The following GPR101 variants were observed in gnomAD, a reference collection of about 807,000 sequenced individuals.
The protein encoded by GPR101 is G protein-coupled receptor 101.
GPR101 carries 8 observed loss-of-function variants against 16.4 expected under a neutral mutation model. The ratio of observed to expected loss-of-function variants is 0.49; its 90% CI spans 0.29 to 0.88. The LOEUF (loss-of-function observed/expected upper bound fraction) is 0.88, where lower values mean the gene tolerates loss of function less well. Among genes scored for constraint, GPR101 ranks in the 40% least tolerant of loss-of-function variants. The pLI is 0.09. For missense variants in GPR101, 375 were observed against 411.7 expected, an observed-to-expected ratio of 0.91 and a Z score of 0.77; for synonymous variants, 155 against 168.7, an observed-to-expected ratio of 0.92 and a Z score of 0.63.
chrX:137,030,475 C>T lies in GPR101; in HGVS notation c.1200G>A (p.Val400=). ...CATAGGAGAAAATGATGATGAAGAT[C>T]ACTTTAGCAGCTTTGCACTGGTAGC... ...PRCYQCKAAK[V]IFIIIFSYVL... The change falls in exon 2 of 2, where the codon GTG becomes GTA. Residue 400 remains valine (V), a synonymous_variant. Coordinates refer to ENST00000651716, the MANE Select transcript of GPR101 (RefSeq NM_054021.2). The T allele has an allele frequency of 8.3e-7, 1 of 1,211,226 alleles. No individual in the cohort carries two copies. Among genetic ancestry groups the T allele is most frequent in the Non-Finnish European group, 1.1e-6 (1 of 895,308 alleles).
rs1407642117 is a variant in GPR101 at position 137,030,502 on chromosome X, C to T, written c.1173G>A (p.Arg391=). 4 of 1,208,578 alleles carry T rather than the reference C, an allele frequency of 3.3e-6. No homozygotes were observed. The African/African-American group carries it at 7.0e-5, about 21-fold the overall frequency. ...CTTTAGCAGCTTTGCACTGGTAGCA[C>T]CTGGGCAGAGGAGGGTTGCTGTTGC... ...RNSNSNPPLP[R]CYQCKAAKVI... is the part of the protein sequence containing the mutation. Residue 391 remains arginine, a synonymous_variant, in exon 2 of 2, where the codon AGG becomes AGA. Transcript: ENST00000651716.
rs773412114 is a variant in GPR101, at chrX:137,031,217, T to C, written c.458A>G (p.Tyr153Cys). 9 of 1,209,797 alleles carry C rather than the reference T, an allele frequency of 7.4e-6. No individual in the cohort carries two copies. The highest frequency in any genetic ancestry group is 6.5e-5 in the Admixed American group (3 of 45,888). The change falls in exon 2 of 2, where the codon TAT becomes TGT. Residue 153 changes from tyrosine to cysteine, a missense_variant. By Grantham distance (194) the Tyr-to-Cys change is radical. Transcript: ENST00000651716. ...CAGGATGGCCACAATCCAGGTGCCATAGAGGAGCAGGTAACCGCGGCGCTG... is the reference window on the plus strand; with the variant it reads ...CAGGATGGCCACAATCCAGGTGCCACAGAGGAGCAGGTAACCGCGGCGCTG... Reference protein sequence around the residue: ...MTQRRGYLLLYGTWIVAILQS... With the variant: ...MTQRRGYLLLCGTWIVAILQS...
rs1877267617 is a variant in GPR101, at chrX:137,030,308, T to C, written c.1367A>G (p.Tyr456Cys). Residue 456 changes from tyrosine (Y) to cysteine (C), a missense_variant, in exon 2 of 2, where the codon TAC becomes TGC. By Grantham distance (194) the Tyr-to-Cys change is radical. Coordinates refer to ENST00000651716, the MANE Select transcript of GPR101 (RefSeq NM_054021.2). ...TTCCTTCTTAATGGTCTTGTGCATG[T>C]AGCCATAGACATAGGGGTGGATGCA... is the stretch of plus-strand genomic sequence containing the variant. ...QCCIHPYVYG[Y>C]MHKTIKKEIQ... is the part of the protein sequence containing the mutation. 8.3e-7 allele frequency: 1 copy of C among 1,211,271 alleles called. No homozygotes were observed. Among genetic ancestry groups the C allele is most frequent in the Admixed American group, 2.2e-5 (1 of 46,018 alleles).
intron 1 of GPR101, among the ~76,000 whole-genome samples, 182 bp from the exon 2 acceptor site, chrX:137,031,948 G>A (rs1455265563): frequency 9.0e-6 from 1 of 111,234 alleles, no homozygotes; most frequent in African/African-American, 3.3e-5. Flanking sequence ...CTCTCTCCAG[G>A]GCTCTGATTT....
Position 137,023,948 on chromosome X carries a change from T to G in GPR101, c.*6200A>C, listed in dbSNP as rs1927131584. Among the ~76,000 whole-genome samples, 1 of 111,621 alleles carries G rather than the reference T, an allele frequency of 9.0e-6. No individual in the cohort carries two copies. The highest frequency in any genetic ancestry group is 1.9e-5 in the Non-Finnish European group (1 of 53,185). On this transcript the variant is annotated 3_prime_UTR_variant, in exon 2 of 2. Transcript: ENST00000651716. ...ACCAGATACACACATAAAATTTGAC[T>G]TTATTTAGAATATTTAAGAGGAATA...
chrX:137,024,718 A>T lies in GPR101; in HGVS notation c.*5430T>A, dbSNP rs1234230404. ...CTAGTTAGCCATCCATGCTGTCTCT[A>T]TCTTGTCTCTCAGACAACCAACCAA... On this transcript the variant is annotated 3_prime_UTR_variant, in exon 2 of 2. Transcript: ENST00000651716. 9.0e-6 allele frequency among the ~76,000 whole-genome samples: 1 copy of T among 110,800 alleles called. No homozygotes were observed. The highest frequency in any genetic ancestry group is 3.3e-5 in the African/African-American group (1 of 30,403).
In GPR101 at chrX:137,033,814, C is replaced by T. The variant is rs978934395; in HGVS notation, c.-105G>A. Among the ~76,000 whole-genome samples the T allele has an allele frequency of 8.9e-6, 1 of 112,273 alleles. No homozygotes were observed. The highest frequency in any genetic ancestry group is 1.9e-5 in the Non-Finnish European group (1 of 52,993). On this transcript the variant is annotated 5_prime_UTR_variant, in exon 1 of 2. Transcript: ENST00000651716. ...CCGGGCTGCTTACCTGTTGCTGCTG[C>T]AGACGTGGCGTCGCGGGCGCCGCGT...
rs1353744135 is a variant in GPR101, at chrX:137,030,445, T to C, written c.1230A>G (p.Leu410=). 1 of 1,211,522 alleles carries C rather than the reference T, an allele frequency of 8.3e-7. No homozygotes were observed. Among genetic ancestry groups the C allele is most frequent in the East Asian group, 3.0e-5 (1 of 33,827 alleles). ...CTAAAAAGCAGTAGGGCCCCAGGGA[T>C]AGCACATAGGAGAAAATGATGATGA... ...VIFIIIFSYV[L]SLGPYCFLAV... is the part of the protein sequence containing the mutation. The change falls in exon 2 of 2, where the codon CTA becomes CTG. Residue 410 remains leucine (L), a synonymous_variant. Transcript: ENST00000651716.
Position 137,031,112 on chromosome X carries a change from GC to G in GPR101, c.562del (p.Ala188ProfsTer18). The G allele has an allele frequency of 5.0e-6, 6 of 1,211,490 alleles. No homozygotes were observed. The highest frequency in any genetic ancestry group is 6.7e-6 in the Non-Finnish European group (6 of 895,148). On this transcript the variant is annotated frameshift_variant, in exon 2 of 2. Coordinates refer to ENST00000651716, the MANE Select transcript of GPR101 (RefSeq NM_054021.2). LOFTEE classifies it high-confidence loss of function. ...RNALCSMIWGASPSYTILSVV... is the reference protein window; with the variant it reads ...RNALCSMIWGXSPSYTILSVV... ...GCTGAGAATAGTGTAGCTGGGGCTG[GC>G]CCCCCAGATCATGGAGCAGAGAGCA...
rs1012770422 is a variant in GPR101, at chrX:137,033,366, G to C, written c.-93+436C>G. Among the ~76,000 whole-genome samples, 23 of 108,856 alleles carry C rather than the reference G, an allele frequency of 2.1e-4. 1 individual carries two copies. The Admixed American group carries it at 2.2e-3, about 10-fold the overall frequency. 94.5% of individuals were successfully genotyped at this position (108,856 alleles called of 115,157 possible). A position where few individuals can be genotyped will look rare whatever the true frequency, so the allele number is the denominator to read the frequency against. ...GCAGAGAGACAAAAAGGAAATGAGA[G>C]ACAGCGAAAGAATGAGATACATACA... On this transcript the variant is annotated intron_variant, in intron 1 of 1. Coordinates refer to ENST00000651716, the MANE Select transcript of GPR101 (RefSeq NM_054021.2).
rs1927168036 is a variant in GPR101 at position 137,026,363 on chromosome X, T to G, written c.*3785A>C. The stretch of plus-strand genomic sequence containing the variant: ...TTTATCCCAACAACCCATGAGAGTT[T>G]TATCTTGAGAGTCCAAATTACCAGA... On this transcript the variant is annotated 3_prime_UTR_variant, in exon 2 of 2. Coordinates refer to ENST00000651716, the MANE Select transcript of GPR101 (RefSeq NM_054021.2). 8.9e-6 allele frequency among the ~76,000 whole-genome samples: 1 copy of G among 112,168 alleles called. No homozygotes were observed. The highest frequency in any genetic ancestry group is 9.5e-5 in the Admixed American group (1 of 10,578).
chrX:137,024,081 G>A lies in GPR101; in HGVS notation c.*6067C>T, dbSNP rs750651120. Among the ~76,000 whole-genome samples the A allele has an allele frequency of 5.4e-5, 6 of 111,925 alleles. No homozygotes were observed. The highest frequency in any genetic ancestry group is 3.8e-4 in the Admixed American group (4 of 10,533). On this transcript the variant is annotated 3_prime_UTR_variant, in exon 2 of 2. Coordinates refer to ENST00000651716, the MANE Select transcript of GPR101 (RefSeq NM_054021.2). ...CTCCGCATTTCCCAAGCAGGAGTCC[G>A]TTATTCCTTTCCAGCAAAAGAAAAA...
chrX:137,032,460 G>A (rs896236684), intron 1 of GPR101, among the ~76,000 whole-genome samples: 5 of 110,602 alleles, frequency 4.5e-5, no homozygotes, highest in African/African-American at 1.6e-4. Flanking sequence ...CTGTCACTGT[G>A]TCGCTCGCTA....
chrX:137,030,211 G>A lies in GPR101; in HGVS notation c.1464C>T (p.Pro488=), dbSNP rs373147876. The change falls in exon 2 of 2, where the codon CCC becomes CCT. Residue 488 remains proline, a synonymous_variant. Transcript: ENST00000651716. ...PPKEDSHPDL[P]GTEGGTEGKI... is the part of the protein sequence containing the mutation. ...TGCCTTCAGTCCCACCCTCTGTTCC[G>A]GGCAGGTCTGGGTGGCTATCTTCTT... 2.0e-5 allele frequency: 24 copies of A among 1,207,509 alleles called. No homozygotes were observed. The highest frequency in any genetic ancestry group is 3.0e-5 in the East Asian group (1 of 33,849).
Position 137,031,503 on chromosome X carries a change from G to C in GPR101, c.172C>G (p.Arg58Gly), listed in dbSNP as rs765586649. 5.8e-6 allele frequency: 7 copies of C among 1,205,478 alleles called. No individual in the cohort carries two copies. The highest frequency in any genetic ancestry group is 1.8e-5 in the South Asian group (1 of 55,842). ...GNIVLALVLQ[R>G]KPQLLQVTNR... is the part of the protein sequence containing the mutation. ...GTCACCTGCAGCAGCTGCGGCTTGCGCTGCAACACTAGCGCCAGCACTATG... is the reference window on the plus strand; with the variant it reads ...GTCACCTGCAGCAGCTGCGGCTTGCCCTGCAACACTAGCGCCAGCACTATG... The change falls in exon 2 of 2, where the codon CGC (arginine) becomes GGC (glycine). Residue 58 changes from arginine to glycine, a missense_variant. Coordinates refer to ENST00000651716, the MANE Select transcript of GPR101 (RefSeq NM_054021.2).
At chrX:137,032,034 C>G (rs1927277541) in intron 1 of GPR101, among the ~76,000 whole-genome samples, 1 of 111,122 alleles carries the variant, frequency 9.0e-6, no homozygotes, top group Non-Finnish European at 1.9e-5. Flanking sequence ...TCTCTGGCTC[C>G]GGGGAGTTTT....
Position 137,031,722 on chromosome X carries a change from C to A in GPR101, c.-48G>T, listed in dbSNP as rs748043853. On this transcript the variant is annotated 5_prime_UTR_variant, in exon 2 of 2. Transcript: ENST00000651716. Reference sequence around the variant, plus strand: ...ACAGGTTGCAGGCTCAGTGCCGGCACCGGTGGGTGGCAAAGGGGTGCACAG... The same window carrying A: ...ACAGGTTGCAGGCTCAGTGCCGGCAACGGTGGGTGGCAAAGGGGTGCACAG... 9.4e-7 allele frequency: 1 copy of A among 1,068,077 alleles called. No homozygotes were observed. Among genetic ancestry groups the A allele is most frequent in the East Asian group, 3.0e-5 (1 of 32,788 alleles). 88.0% of individuals were successfully genotyped at this position (1,068,077 alleles called of 1,213,427 possible).
chrX:137,023,971 A>G lies in GPR101; in HGVS notation c.*6177T>C, dbSNP rs1257520966. 8.9e-6 allele frequency among the ~76,000 whole-genome samples: 1 copy of G among 111,965 alleles called. No homozygotes were observed. Among genetic ancestry groups the G allele is most frequent in the Non-Finnish European group, 1.9e-5 (1 of 53,231 alleles). On this transcript the variant is annotated 3_prime_UTR_variant, in exon 2 of 2. Coordinates refer to ENST00000651716, the MANE Select transcript of GPR101 (RefSeq NM_054021.2). The stretch of plus-strand genomic sequence containing the variant: ...ACTTTATTTAGAATATTTAAGAGGA[A>G]TATACCAAGGATAGAATAACAGCAC...
rs763955080 is a variant in GPR101 at position 137,027,414 on chromosome X, T to A, written c.*2734A>T. Among the ~76,000 whole-genome samples the A allele has an allele frequency of 2.7e-5, 3 of 109,776 alleles. No individual in the cohort carries two copies. The highest frequency in any genetic ancestry group is 5.7e-5 in the Non-Finnish European group (3 of 52,757). ...TCTGTGAGGCTAATGATGACTTTTTTTGTGTGCTTTCAGATTTTCAAATGA... is the reference window on the plus strand; with the variant it reads ...TCTGTGAGGCTAATGATGACTTTTTATGTGTGCTTTCAGATTTTCAAATGA... On this transcript the variant is annotated 3_prime_UTR_variant, in exon 2 of 2. Coordinates refer to ENST00000651716, the MANE Select transcript of GPR101 (RefSeq NM_054021.2).
Sources: allele counts gnomAD v4.1 joint callset (sites outside exome capture counted in the v4.1 genomes callset), GRCh38; gene constraint gnomAD v4.1.1; transcripts MANE v1.5; gene names NCBI Gene and HGNC (gene_info 2026-07-23, HGNC 2026-07-21).